MYO1B: variants seen among roughly 807,000 people sequenced by gnomAD.
The protein encoded by MYO1B is myosin IB.
In MYO1B, 72 loss-of-function variants were observed where a neutral mutation model predicts 159.7. The ratio of observed to expected loss-of-function variants is 0.45; its 90% CI spans 0.37 to 0.55. The LOEUF (loss-of-function observed/expected upper bound fraction) is 0.55, where lower values mean the gene tolerates loss of function less well. MYO1B is among the 20% of genes least tolerant of loss of function. MYO1B has a pLI of 0.00. For missense variants in MYO1B, 1,062 were observed against 1,364.8 expected (o/e 0.78, Z 3.50); for synonymous variants, 468 against 473.8 (o/e 0.99, Z 0.16).
intron 7 of MYO1B, among the ~76,000 whole-genome samples, chr2:191,359,060 T>C (rs1309309047): frequency 1.3e-5 from 2 of 152,236 alleles, no homozygotes; most frequent in Non-Finnish European, 2.9e-5. Context: ...AAATTAGCTT[T>C]TCAATGAAGA....
intron 30 of MYO1B, among the ~76,000 whole-genome samples, chr2:191,421,070 CTTTT>C (rs11306202): frequency 5.2e-5 from 6 of 115,302 alleles, no homozygotes; most frequent in African/African-American, 2.8e-5. Flanking sequence ...TAGTGTGAAT[CTTTT>C]TTTTTTTTTT....
intron 4 of MYO1B, among the ~76,000 whole-genome samples, chr2:191,333,076 T>A (rs1449392712): frequency 6.6e-6 from 1 of 152,244 alleles, no homozygotes; most frequent in Non-Finnish European, 1.5e-5. Context: ...CAAAGACTGA[T>A]CCATATGAAA....
chr2:191,385,817 A>G (rs13000398), intron 15 of MYO1B, 67 bp from the exon 16 acceptor site: 1,419,272 of 1,505,132 alleles, frequency 0.94, 679,036 homozygotes, highest in Non-Finnish European at 0.98. Context: ...TGATGGTGTA[A>G]TTAGGAATAA....
At chr2:191,416,346 G>A in intron 30 of MYO1B, 104 bp downstream of exon 30, 2 of 1,370,270 alleles carry the variant, frequency 1.5e-6, no homozygotes, top group South Asian at 1.3e-5. Context: ...TAAGTACCAG[G>A]TATGTGTCTA....
chr2:191,400,302 CTCTTCAGGTTTTTTTT>C (rs1696528971), intron 21 of MYO1B, 64 bp from the exon 22 acceptor site: 2 of 1,461,392 alleles, frequency 1.4e-6, no homozygotes, highest in South Asian at 2.3e-5. Flanking sequence ...GGACGATCAT[CTCTTCAGGTTTTTTTT>C]TCAAGTCACT....
chr2:191,278,426 A>G (rs1687870548), intron 2 of MYO1B, among the ~76,000 whole-genome samples: 1 of 152,232 alleles, frequency 6.6e-6, no homozygotes, highest in Admixed American at 6.5e-5. Flanking sequence ...AAACATTGAG[A>G]CCACAGCACC....
chr2:191,394,295 A>G (rs958539488), intron 20 of MYO1B, among the ~76,000 whole-genome samples: 8 of 152,194 alleles, frequency 5.3e-5, no homozygotes, highest in African/African-American at 1.9e-4. Context: ...CTCTGTACAC[A>G]TAGTACCACT....
intron 6 of MYO1B, among the ~76,000 whole-genome samples, chr2:191,348,321 G>A (rs1055527642): frequency 6.6e-6 from 1 of 152,008 alleles, no homozygotes; most frequent in Admixed American, 6.6e-5. Flanking sequence ...CATCATACAG[G>A]CCTTCAAACT....
At chr2:191,397,142 T>C (rs1447936710) in intron 21 of MYO1B, among the ~76,000 whole-genome samples, 3 of 126,764 alleles carry the variant, frequency 2.4e-5, no homozygotes, top group South Asian at 2.4e-4. Flanking sequence ...TTTTTTTTTT[T>C]TTTTTTTTTT....
intron 3 of MYO1B, among the ~76,000 whole-genome samples, chr2:191,300,816 A>G (rs1433645831): frequency 6.6e-6 from 1 of 151,732 alleles, no homozygotes; most frequent in Non-Finnish European, 1.5e-5. Flanking sequence ...TAGTCTGCAA[A>G]AGCATCCAGA....
intron 30 of MYO1B, 27 bp from the exon 31 acceptor site, chr2:191,423,810 T>C: frequency 6.3e-7 from 1 of 1,597,760 alleles, no homozygotes; most frequent in Non-Finnish European, 8.5e-7. Context: ...TGTGTATACT[T>C]TAATTTGTTT....
chr2:191,368,620 GTTTA>G (rs1216296379), intron 11 of MYO1B, among the ~76,000 whole-genome samples: 3 of 152,110 alleles, frequency 2.0e-5, no homozygotes, highest in Non-Finnish European at 4.4e-5. Flanking sequence ...GTAAGAAGGG[GTTTA>G]TGTTCATTCT....
At chr2:191,371,748 C>G (rs969447894) in intron 13 of MYO1B, among the ~76,000 whole-genome samples, 1 of 152,192 alleles carries the variant, frequency 6.6e-6, no homozygotes, top group Admixed American at 6.5e-5. Context: ...GTCTCTGACT[C>G]CCCTGTTTCT....
intron 6 of MYO1B, 32 bp downstream of exon 6, chr2:191,346,314 CT>C: frequency 6.9e-7 from 1 of 1,456,186 alleles, no homozygotes; most frequent in Non-Finnish European, 9.2e-7. Context: ...AGTGTTAACA[CT>C]AATATTTAGC....
chr2:191,275,218 T>C (rs10737937), intron 1 of MYO1B, among the ~76,000 whole-genome samples: 150,370 of 152,332 alleles, frequency 0.99, 74,244 homozygotes, highest in South Asian at 1. Flanking sequence ...TGGGACTTTT[T>C]GTTCCAGGTG....
intron 11 of MYO1B, among the ~76,000 whole-genome samples, chr2:191,364,610 T>C (rs1270717014): frequency 6.6e-6 from 1 of 152,104 alleles, no homozygotes; most frequent in Non-Finnish European, 1.5e-5. Flanking sequence ...AGGTGGGAAA[T>C]GACTGAAGGG....
chr2:191,365,252 C>T (rs1693933544), intron 11 of MYO1B, among the ~76,000 whole-genome samples: 1 of 152,196 alleles, frequency 6.6e-6, no homozygotes, highest in African/African-American at 2.4e-5. Context: ...TCCACTCAGG[C>T]CCCCACTTTG....
Position 191,396,432 on chromosome 2 carries a change from C to T in MYO1B, c.2230C>T (p.Gln744Ter). 6.2e-7 allele frequency: 1 copy of T among 1,614,068 alleles called. No individual in the cohort carries two copies. Among genetic ancestry groups the T allele is most frequent in the Non-Finnish European group, 8.5e-7 (1 of 1,179,974 alleles). The part of the protein sequence containing the change: ...IAAWYRRYAQ[Q>*]KRYQQTKSSA... ...ATCTTCCCCTTTTATCCTACAGCAA[C>T]AAAAGAGGTACCAGCAGACAAAGAG... The change falls in exon 21 of 31, where the codon CAA (glutamine) becomes TAA (stop). Residue 744 changes from glutamine to a stop codon, truncating the protein, a stop_gained. Coordinates refer to ENST00000392318, the MANE Select transcript of MYO1B (RefSeq NM_001130158.3). LOFTEE classifies it high-confidence loss of function.
At chr2:191,330,626 G>T (rs889476918) in intron 4 of MYO1B, among the ~76,000 whole-genome samples, 6 of 152,118 alleles carry the variant, frequency 3.9e-5, no homozygotes, top group Non-Finnish European at 7.3e-5. Context: ...TAACTTTACA[G>T]ATGGTGCCCA....
Sources: gnomAD v4.1 joint callset for allele counts (sites outside exome capture counted in the v4.1 genomes callset) on GRCh38, gnomAD v4.1.1 for gene constraint, MANE v1.5 for transcripts, NCBI Gene and HGNC (gene_info 2026-07-23, HGNC 2026-07-21) for gene names.